Variants in TNFRSF10B observed in about 807,000 individuals in gnomAD.
TNFRSF10B encodes the protein tumor necrosis factor receptor superfamily member 10B.
TNFRSF10B carries 35 observed loss-of-function variants against 41.4 expected under a neutral mutation model. The observed-to-expected ratio is 0.85, with a 90% CI of 0.65 to 1.12. The LOEUF (loss-of-function observed/expected upper bound fraction) is 1.12. Among genes scored for constraint, TNFRSF10B ranks in the 50% most tolerant of loss-of-function variants. The pLI, the probability that TNFRSF10B is intolerant of heterozygous loss-of-function variation, is 0.00. For synonymous variants in TNFRSF10B, 230 were observed against 215.5 expected, an observed-to-expected ratio of 1.07 and a Z score of -0.59; for missense variants, 584 against 552.7, an observed-to-expected ratio of 1.06 and a Z score of -0.57.
intron 1 of TNFRSF10B, among the ~76,000 whole-genome samples, chr8:23,055,962 G>C (rs11784444): frequency 0.16 from 24,632 of 152,172 alleles, 2,818 homozygotes; most frequent in East Asian, 0.48. Context: ...TTTTGAGTTG[G>C]TCTGGCGATA....
chr8:23,044,749 A>C (rs1222552324), intron 1 of TNFRSF10B, among the ~76,000 whole-genome samples: 1 of 152,166 alleles, frequency 6.6e-6, no homozygotes, highest in Non-Finnish European at 1.5e-5. Context: ...CACTAAGCCC[A>C]CAGTTAGCAG....
chr8:23,056,900 C>A (rs927020964), intron 1 of TNFRSF10B, among the ~76,000 whole-genome samples: 4 of 152,022 alleles, frequency 2.6e-5, no homozygotes, highest in African/African-American at 9.7e-5. Flanking sequence ...TTTACTTAGA[C>A]TTATTTTATA....
chr8:23,059,514 T>TTTCG (rs1554511276), intron 1 of TNFRSF10B, among the ~76,000 whole-genome samples: 11,707 of 152,042 alleles, frequency 0.077, 669 homozygotes, highest in Non-Finnish European at 0.11. Flanking sequence ...TGTGTGTTGT[T>TTTCG]TTTGTTTTTT....
At chr8:23,059,674 T>C (rs1018960051) in intron 1 of TNFRSF10B, among the ~76,000 whole-genome samples, 69 of 114,054 alleles carry the variant, frequency 6.0e-4, no homozygotes, top group South Asian at 1.8e-3. Context: ...GCCGGGCTAA[T>C]TTTTTTGTAT....
intron 2 of TNFRSF10B, among the ~76,000 whole-genome samples, chr8:23,039,981 T>TCAGGAGTTTGAGA (rs1488685715): frequency 1.3e-5 from 2 of 151,860 alleles, no homozygotes; most frequent in Admixed American, 6.6e-5. Flanking sequence ...TCACTTGAGG[T>TCAGGAGTTTGAGA]CAGGAGTTTG....
intron 2 of TNFRSF10B, among the ~76,000 whole-genome samples, chr8:23,036,900 T>C (rs1054993287): frequency 2.0e-5 from 3 of 152,182 alleles, no homozygotes; most frequent in African/African-American, 7.2e-5. Context: ...TGGTTGTTCA[T>C]TTTGCTTGAG....
rs1310075278 is a variant in TNFRSF10B at position 23,022,812 on chromosome 8, C to T, written c.1182G>A (p.Gly394=). The change falls in exon 9 of 9, where the codon GGG becomes GGA. Residue 394 remains glycine (G), a synonymous_variant. Transcript: ENST00000276431. ...GCAGGGTGTGGACAGAGGCATCTCG[C>T]CCGGTTTTGTTGACCCACTTTATCA... ...TMLIKWVNKT[G]RDASVHTLLD... is the part of the protein sequence containing the mutation. 1 of 1,613,828 alleles carries T rather than the reference C, an allele frequency of 6.2e-7. No homozygotes were observed. The highest frequency in any genetic ancestry group is 1.1e-5 in the South Asian group (1 of 91,082).
chr8:23,041,838 C>T (rs1353300195), intron 2 of TNFRSF10B, among the ~76,000 whole-genome samples: 3 of 152,136 alleles, frequency 2.0e-5, no homozygotes, highest in Non-Finnish European at 4.4e-5. Flanking sequence ...TGCTCCTGCT[C>T]AGCCCATTGC....
chr8:23,047,549 T>C (rs1259723515), intron 1 of TNFRSF10B, among the ~76,000 whole-genome samples: 4 of 150,714 alleles, frequency 2.7e-5, no homozygotes, highest in Non-Finnish European at 4.4e-5. Flanking sequence ...GGGACCTGAG[T>C]AGACATTTCT....
At chr8:23,039,534 G>A (rs1259729176) in intron 2 of TNFRSF10B, among the ~76,000 whole-genome samples, 1 of 152,078 alleles carries the variant, frequency 6.6e-6, no homozygotes, top group African/African-American at 2.4e-5. Flanking sequence ...TAATCTGCTT[G>A]ACTCAAAGCC....
rs185166408 is a variant in TNFRSF10B at position 23,044,017 on chromosome 8, A to G, written c.145-774T>C. ...TGACAGAAATGTTGTTATGTGGTGC[A>G]TGACTGTATATGATCAAGTAATTTT... On this transcript the variant is annotated intron_variant, in intron 1 of 8. Coordinates refer to ENST00000276431, the MANE Select transcript of TNFRSF10B (RefSeq NM_003842.5). Among the ~76,000 whole-genome samples the G allele has an allele frequency of 5.4e-3, 823 of 152,362 alleles. 6 individuals are homozygous for G. Among genetic ancestry groups the G allele is most frequent in the Middle Eastern group, 6.8e-3 (2 of 294 alleles).
At chr8:23,045,219 G>A (rs1481724049) in intron 1 of TNFRSF10B, among the ~76,000 whole-genome samples, 1 of 151,662 alleles carries the variant, frequency 6.6e-6, no homozygotes, top group East Asian at 1.9e-4. Context: ...AACAGAGGGA[G>A]ACTCTGTCTC....
chr8:23,064,842 A>G (rs1221108579), intron 1 of TNFRSF10B, among the ~76,000 whole-genome samples: 1 of 152,248 alleles, frequency 6.6e-6, no homozygotes, highest in East Asian at 1.9e-4. Context: ...ATATGTATGG[A>G]AAGTGCTTAA....
Position 23,030,776 on chromosome 8 carries a change from C to T in TNFRSF10B, c.347G>A (p.Cys116Tyr). The T allele has an allele frequency of 6.2e-7, 1 of 1,612,560 alleles. No homozygotes were observed. The highest frequency in any genetic ancestry group is 8.5e-7 in the Non-Finnish European group (1 of 1,179,274). Reference sequence around the variant, plus strand: ...TTCTGTACCTGAATCACACCTGGTGCAGCGCAAGCAGAAAAGGAGGTCATT... The same window carrying T: ...TTCTGTACCTGAATCACACCTGGTGTAGCGCAAGCAGAAAAGGAGGTCATT... ...HWNDLLFCLR[C>Y]TRCDSGEVEL... Residue 116 changes from cysteine to tyrosine, a missense_variant, in exon 3 of 9, where the codon TGC (cysteine) becomes TAC (tyrosine). Physicochemically the swap from Cys to Tyr is radical, Grantham distance 194. Transcript: ENST00000276431.
At position 23,020,790 on chromosome 8, in the gene TNFRSF10B, G is replaced by A. The variant is rs764800263; in HGVS notation, c.*1881C>T. Reference sequence around the variant, plus strand: ...CCTCTGTGGAAGGGACAAGGGACCTGGGACCGGACTGGCACCTTCTGAGCC... The same window carrying A: ...CCTCTGTGGAAGGGACAAGGGACCTAGGACCGGACTGGCACCTTCTGAGCC... On this transcript the variant is annotated 3_prime_UTR_variant, in exon 9 of 9. Transcript: ENST00000276431. 2.9e-5 allele frequency: 13 copies of A among 454,124 alleles called. No individual in the cohort carries two copies. Among genetic ancestry groups the A allele is most frequent in the South Asian group, 2.0e-4 (13 of 64,476 alleles). 28.1% of individuals were successfully genotyped at this position (454,124 alleles called of 1,614,324 possible).
At chr8:23,051,498 T>C (rs1812516658) in intron 1 of TNFRSF10B, among the ~76,000 whole-genome samples, 1 of 152,128 alleles carries the variant, frequency 6.6e-6, no homozygotes, top group African/African-American at 2.4e-5. Flanking sequence ...GAAACATTAA[T>C]ATTGTTTTAA....
chr8:23,040,856 T>C (rs1009021806), intron 2 of TNFRSF10B, among the ~76,000 whole-genome samples: 3 of 152,144 alleles, frequency 2.0e-5, no homozygotes, highest in Non-Finnish European at 2.9e-5. Context: ...GTAAGTATCA[T>C]ACATAATCAT....
At chr8:23,024,833 C>G (rs1360742312) in intron 7 of TNFRSF10B, among the ~76,000 whole-genome samples, 1 of 151,854 alleles carries the variant, frequency 6.6e-6, no homozygotes, top group Non-Finnish European at 1.5e-5. Flanking sequence ...GCACCTAGCC[C>G]TGATGAATGT....
intron 1 of TNFRSF10B, among the ~76,000 whole-genome samples, chr8:23,047,970 T>A (rs1812411905): frequency 1.3e-5 from 2 of 152,140 alleles, no homozygotes; most frequent in African/African-American, 2.4e-5. Flanking sequence ...CACCAACAGA[T>A]AAATGGATAA....
Sources: allele counts gnomAD v4.1 joint callset (sites outside exome capture counted in the v4.1 genomes callset), GRCh38; gene constraint gnomAD v4.1.1; transcripts MANE v1.5; gene names NCBI Gene and HGNC (gene_info 2026-07-23, HGNC 2026-07-21).